Variants in DCC observed in about 807,000 individuals in gnomAD.
The protein encoded by DCC is netrin receptor DCC.
A neutral mutation model predicts 172.5 loss-of-function variants in DCC; 58 were observed. The ratio of observed to expected loss-of-function variants is 0.34; its 90% CI spans 0.27 to 0.42. DCC has a LOEUF of 0.42. DCC is among the 10% of genes least tolerant of loss of function. The pLI, the probability that DCC is intolerant of heterozygous loss-of-function variation, is 1.00. For synonymous variants in DCC, 709 were observed against 644.5 expected, an observed-to-expected ratio of 1.10 and a Z score of -1.52; for missense variants, 1,740 against 1,791.0, an observed-to-expected ratio of 0.97 and a Z score of 0.51.
intron 1 of DCC, among the ~76,000 whole-genome samples, chr18:52,598,495 C>T (rs188633782): frequency 1.0e-3 from 159 of 152,236 alleles, no homozygotes; most frequent in African/African-American, 3.4e-3. Context: ...AAGGAGTGAA[C>T]GCTTTTCTAT....
intron 1 of DCC, among the ~76,000 whole-genome samples, chr18:52,408,342 G>C (rs983057710): frequency 6.6e-6 from 1 of 151,870 alleles, no homozygotes; most frequent in African/African-American, 2.4e-5. Flanking sequence ...ATGGAGGAAA[G>C]TCTTTTTAAA....
rs180971251 is a variant in DCC at position 52,929,379 on chromosome 18, A to T, written c.985+4009A>T. ...TTTTTAATCTTACTGAAACAGCTAT[A>T]AAAAAAAGCAGGTTTATGTGATGTA... is the stretch of plus-strand genomic sequence containing the variant. On this transcript the variant is annotated intron_variant, in intron 5 of 28. Transcript: ENST00000442544. 3.3e-3 allele frequency among the ~76,000 whole-genome samples: 505 copies of T among 151,186 alleles called. 3 individuals carry two copies. Among genetic ancestry groups the T allele is most frequent in the African/African-American group, 9.8e-3 (400 of 40,846 alleles).
At chr18:52,825,350 T>C (rs919099314) in intron 2 of DCC, among the ~76,000 whole-genome samples, 4 of 152,140 alleles carry the variant, frequency 2.6e-5, no homozygotes, top group Non-Finnish European at 2.9e-5. Flanking sequence ...TACCTTGGTG[T>C]CTGAAAAAAG....
chr18:52,886,113 C>G (rs570195224), intron 2 of DCC, among the ~76,000 whole-genome samples: 53 of 152,006 alleles, frequency 3.5e-4, no homozygotes, highest in Non-Finnish European at 6.9e-4. Context: ...GCTGCACTGC[C>G]TGGGGTTGGG....
intron 1 of DCC, among the ~76,000 whole-genome samples, chr18:52,478,449 G>A (rs545415856): frequency 2.0e-5 from 3 of 152,286 alleles, no homozygotes; most frequent in South Asian, 4.1e-4. Context: ...TTTAATTGTA[G>A]AGGAATGTTC....
intron 25 of DCC, among the ~76,000 whole-genome samples, chr18:53,468,927 T>C (rs2045661660): frequency 6.6e-6 from 1 of 152,200 alleles, no homozygotes; most frequent in South Asian, 2.1e-4. Context: ...CCTAGATGGT[T>C]AGTTCCTCTA....
At chr18:52,753,000 C>CAT (rs142542852) in intron 2 of DCC, among the ~76,000 whole-genome samples, 16,021 of 150,704 alleles carry the variant, frequency 0.11, 2,728 homozygotes, top group African/African-American at 0.36. Context: ...CACACACACA[C>CAT]ATATATATAT....
At chr18:52,910,280 G>T (rs1038084845) in intron 3 of DCC, among the ~76,000 whole-genome samples, 2 of 152,094 alleles carry the variant, frequency 1.3e-5, no homozygotes, top group Non-Finnish European at 2.9e-5. Context: ...GGAAGTGGGA[G>T]AGTAGTGTTA....
At chr18:53,269,403 G>T (rs2056720975) in intron 12 of DCC, among the ~76,000 whole-genome samples, 1 of 151,976 alleles carries the variant, frequency 6.6e-6, no homozygotes, top group African/African-American at 2.4e-5. Flanking sequence ...AGTCAACCCT[G>T]AGCACAAAAC....
intron 25 of DCC, among the ~76,000 whole-genome samples, chr18:53,481,271 G>A (rs72918260): frequency 0.1 from 15,943 of 152,208 alleles, 1,064 homozygotes; most frequent in East Asian, 0.22. Context: ...CATCTTTGAC[G>A]CTGGCTATGA....
chr18:53,257,710 A>G (rs571248197), intron 12 of DCC, among the ~76,000 whole-genome samples: 6 of 152,128 alleles, frequency 3.9e-5, no homozygotes, highest in Non-Finnish European at 7.3e-5. Context: ...TGGTATCAGG[A>G]TGATGCTGGC....
intron 2 of DCC, 142 bp from the exon 3 acceptor site, chr18:52,905,902 T>C (rs117869537): frequency 0.023 from 16,267 of 702,788 alleles, 256 homozygotes; most frequent in Admixed American, 0.037. Flanking sequence ...TGTGGTAAAG[T>C]GTGAAGAGCA....
At chr18:52,756,421 TG>T (rs1460706375) in intron 2 of DCC, among the ~76,000 whole-genome samples, 2 of 152,196 alleles carry the variant, frequency 1.3e-5, no homozygotes, top group African/African-American at 4.8e-5. Context: ...TCTCCTTCTT[TG>T]TCTCCCTTCT....
intron 11 of DCC, among the ~76,000 whole-genome samples, chr18:53,213,554 A>G (rs549526510): frequency 8.1e-4 from 119 of 146,440 alleles, no homozygotes; most frequent in Admixed American, 2.3e-3. Context: ...AGGCTGAGGC[A>G]GGAGAATGGT....
At chr18:53,032,011 T>C (rs544366503) in intron 5 of DCC, among the ~76,000 whole-genome samples, 1 of 152,274 alleles carries the variant, frequency 6.6e-6, no homozygotes, top group East Asian at 1.9e-4. Context: ...GCAAGCTGAC[T>C]AGCAGATGGT....
At chr18:53,005,220 T>C (rs879470819) in intron 5 of DCC, among the ~76,000 whole-genome samples, 1 of 152,210 alleles carries the variant, frequency 6.6e-6, no homozygotes, top group Non-Finnish European at 1.5e-5. Context: ...AAACAAACTA[T>C]GACCATAGTA....
intron 5 of DCC, among the ~76,000 whole-genome samples, chr18:53,055,804 G>A (rs2042396461): frequency 6.6e-6 from 1 of 152,094 alleles, no homozygotes; most frequent in South Asian, 2.1e-4. Context: ...GCTCTGAATA[G>A]GACAGAAGAT....
intron 24 of DCC, among the ~76,000 whole-genome samples, chr18:53,465,673 C>G (rs1167210091): frequency 6.6e-6 from 1 of 152,070 alleles, no homozygotes; most frequent in East Asian, 1.9e-4. Flanking sequence ...AAATATTTTT[C>G]AGTTTCACAC....
intron 1 of DCC, among the ~76,000 whole-genome samples, chr18:52,440,457 G>T (rs1987939163): frequency 6.6e-6 from 1 of 152,108 alleles, no homozygotes. Flanking sequence ...GGGGCTGTTT[G>T]CCTGCCCACT....
Sources: gnomAD v4.1 joint callset for allele counts (sites outside exome capture counted in the v4.1 genomes callset) on GRCh38, gnomAD v4.1.1 for gene constraint, MANE v1.5 for transcripts, NCBI Gene and HGNC (gene_info 2026-07-23, HGNC 2026-07-21) for gene names.